MEIKIN: variants seen among roughly 807,000 people sequenced by gnomAD.
MEIKIN encodes meiotic kinetochore factor.
intron 11 of MEIKIN, among the ~76,000 whole-genome samples, chr5:131,838,803 A>G (rs1415207412): frequency 6.6e-6 from 1 of 151,630 alleles, no homozygotes; most frequent in East Asian, 1.9e-4. Flanking sequence ...CAAAAAACCA[A>G]CCCCTGGATT....
rs1231631889 is a variant in MEIKIN, at chr5:131,939,165, G to A, written c.349+3470C>T. On this transcript the variant is annotated intron_variant, in intron 4 of 12. Coordinates refer to ENST00000442687, the MANE Select transcript of MEIKIN (RefSeq NM_001303622.2). ...CCAGTCCCTCTGCTTCAATGTCTTA[G>A]ACTACCAGGGTGGGAAGAAGCATAG... 5.9e-5 allele frequency among the ~76,000 whole-genome samples: 9 copies of A among 152,174 alleles called. No individual in the cohort carries two copies. In the East Asian group the frequency reaches 1.7e-3, roughly 29 times the overall value.
intron 9 of MEIKIN, among the ~76,000 whole-genome samples, chr5:131,856,938 T>C (rs1167321714): frequency 6.6e-6 from 1 of 151,510 alleles, no homozygotes; most frequent in Non-Finnish European, 1.5e-5. Flanking sequence ...TTGCTTTCTT[T>C]TTTTTTTCTT....
intron 11 of MEIKIN, among the ~76,000 whole-genome samples, chr5:131,845,670 G>C (rs1750007057): frequency 6.6e-6 from 1 of 151,002 alleles, no homozygotes; most frequent in Admixed American, 6.6e-5. Context: ...TCACTAGAAA[G>C]ATCCAAGGGC....
intron 9 of MEIKIN, among the ~76,000 whole-genome samples, chr5:131,872,505 A>G (rs1207228027): frequency 6.6e-6 from 1 of 152,224 alleles, no homozygotes; most frequent in Non-Finnish European, 1.5e-5. Context: ...ATGTGAAAAG[A>G]CCAAATCAAC....
At chr5:131,853,416 G>A (rs1387080612) in intron 10 of MEIKIN, among the ~76,000 whole-genome samples, 1 of 152,160 alleles carries the variant, frequency 6.6e-6, no homozygotes, top group Admixed American at 6.5e-5. Flanking sequence ...AGGAACATTG[G>A]ATATTTGACT....
At chr5:131,864,554 T>C (rs928459726) in intron 9 of MEIKIN, among the ~76,000 whole-genome samples, 1 of 152,246 alleles carries the variant, frequency 6.6e-6, no homozygotes, top group African/African-American at 2.4e-5. Flanking sequence ...CATATCATTC[T>C]TTCCTGGCCT....
intron 8 of MEIKIN, among the ~76,000 whole-genome samples, chr5:131,881,647 C>T (rs1017640158): frequency 2.6e-5 from 4 of 152,126 alleles, no homozygotes; most frequent in Non-Finnish European, 4.4e-5. Flanking sequence ...ATAAGCCTTT[C>T]AGTTTTTAAA....
intron 9 of MEIKIN, among the ~76,000 whole-genome samples, chr5:131,862,950 C>A (rs918363965): frequency 1.3e-5 from 2 of 152,196 alleles, no homozygotes; most frequent in African/African-American, 2.4e-5. Context: ...CCTCCCACTG[C>A]AGCCTCCCCA....
At chr5:131,855,486 C>G (rs1439668286) in intron 9 of MEIKIN, among the ~76,000 whole-genome samples, 1 of 151,210 alleles carries the variant, frequency 6.6e-6, no homozygotes. Flanking sequence ...GATACAAGAC[C>G]TAAAGAAAGT....
At chr5:131,894,964 C>A (rs1308203534) in intron 8 of MEIKIN, among the ~76,000 whole-genome samples, 1 of 152,136 alleles carries the variant, frequency 6.6e-6, no homozygotes, top group Non-Finnish European at 1.5e-5. Context: ...GAGAGCACAT[C>A]CTTGTCTTGG....
intron 9 of MEIKIN, among the ~76,000 whole-genome samples, chr5:131,871,331 A>C (rs1750492438): frequency 6.6e-6 from 1 of 152,184 alleles, no homozygotes; most frequent in African/African-American, 2.4e-5. Flanking sequence ...TGGCTTAAAA[A>C]ACGGCACACC....
At chr5:131,830,268 A>G (rs2149606409) in intron 11 of MEIKIN, among the ~76,000 whole-genome samples, 1 of 152,292 alleles carries the variant, frequency 6.6e-6, no homozygotes, top group African/African-American at 2.4e-5. Context: ...GTGCTGACAC[A>G]TGCCTGTAGT....
At chr5:131,909,995 A>C (rs1313646366) in intron 8 of MEIKIN, among the ~76,000 whole-genome samples, 1 of 152,116 alleles carries the variant, frequency 6.6e-6, no homozygotes, top group African/African-American at 2.4e-5. Context: ...ATAACCACTA[A>C]GGAGAACTGT....
intron 8 of MEIKIN, among the ~76,000 whole-genome samples, chr5:131,906,318 C>G (rs914563348): frequency 3.9e-5 from 6 of 152,110 alleles, no homozygotes; most frequent in Non-Finnish European, 7.4e-5. Context: ...CACAATGATA[C>G]CATCTCACAC....
intron 9 of MEIKIN, among the ~76,000 whole-genome samples, chr5:131,876,079 G>A (rs560523577): frequency 6.6e-6 from 1 of 152,306 alleles, no homozygotes; most frequent in Admixed American, 6.5e-5. Context: ...CAGGATGTAG[G>A]CATGGGCAAG....
At chr5:131,895,586 G>A (rs1751025372) in intron 8 of MEIKIN, among the ~76,000 whole-genome samples, 1 of 152,174 alleles carries the variant, frequency 6.6e-6, no homozygotes, top group African/African-American at 2.4e-5. Flanking sequence ...GGTCTATTCA[G>A]AGAGTCAACT....
chr5:131,832,778 C>T (rs1330368962), intron 11 of MEIKIN, among the ~76,000 whole-genome samples: 2 of 152,256 alleles, frequency 1.3e-5, no homozygotes, highest in African/African-American at 2.4e-5. Flanking sequence ...AGGCTTGCAT[C>T]ATCTGAAGCC....
intron 11 of MEIKIN, among the ~76,000 whole-genome samples, chr5:131,837,587 G>T (rs1749832091): frequency 6.6e-6 from 1 of 152,072 alleles, no homozygotes. Context: ...CTAGTTAGCT[G>T]TATTCCTAGG....
At position 131,819,765 on chromosome 5, in the gene MEIKIN, A is replaced by ATTTTTTT. The variant is rs1167213249; in HGVS notation, c.976-909_976-903dup. On this transcript the variant is annotated intron_variant, in intron 11 of 12. Transcript: ENST00000442687. Reference sequence around the variant, plus strand: ...TAGGCATGCACCACTACATCCAGCTATTTTTTTTTTTTTTTTTTTTTTTTT... The same window carrying ATTTTTTT: ...TAGGCATGCACCACTACATCCAGCTATTTTTTTTTTTTTTTTTTTTTTTTTTTTTTTT... Among the ~76,000 whole-genome samples, 37 of 64,574 alleles carry ATTTTTTT rather than the reference A, an allele frequency of 5.7e-4. 4 individuals carry two copies. Among genetic ancestry groups the ATTTTTTT allele is most frequent in the African/African-American group, 2.4e-3 (31 of 12,792 alleles). 42.4% of individuals were successfully genotyped at this position (64,574 alleles called of 152,430 possible). A position where few individuals can be genotyped will look rare whatever the true frequency, so the allele number is the denominator to read the frequency against.
Sources: allele counts gnomAD v4.1 joint callset (sites outside exome capture counted in the v4.1 genomes callset), GRCh38; gene constraint gnomAD v4.1.1; transcripts MANE v1.5; gene names NCBI Gene and HGNC (gene_info 2026-07-23, HGNC 2026-07-21).